The following BRCA1 variants were observed in gnomAD, a reference collection of about 807,000 sequenced individuals.
The protein encoded by BRCA1 is breast cancer type 1 susceptibility protein.
In BRCA1, 140 loss-of-function variants were observed where a neutral mutation model predicts 173.7. That is an observed-to-expected ratio of 0.81 (90% CI 0.70 to 0.93). The LOEUF (loss-of-function observed/expected upper bound fraction) is 0.93, where lower values mean the gene tolerates loss of function less well. Among genes scored for constraint, BRCA1 ranks in the 40% least tolerant of loss-of-function variants. The probability of loss-of-function intolerance (pLI) is 0.00; values close to 1 mark genes in which losing one functional copy is unlikely to be tolerated. For missense variants in BRCA1, 1,983 were observed against 2,172.5 expected (o/e 0.91, Z 1.73); for synonymous variants, 662 against 756.0 (o/e 0.88, Z 2.04).
chr17:43,100,586 ATATATATAT>A (rs2054357830), intron 6 of BRCA1, among the ~76,000 whole-genome samples: 1 of 97,776 alleles, frequency 1.0e-5, no homozygotes, highest in Non-Finnish European at 1.9e-5. Context: ...TATATATAAC[ATATATATAT>A]TATATATATA....
At chr17:43,146,036 T>C (rs2056119332) in intron 1 of BRCA1, among the ~76,000 whole-genome samples, 1 of 152,182 alleles carries the variant, frequency 6.6e-6, no homozygotes, top group Non-Finnish European at 1.5e-5. Context: ...GTTGGAGTTG[T>C]GGGCACTCTG....
chr17:43,138,396 A>AT (rs1302563900), intron 1 of BRCA1: 1 of 540,994 alleles, frequency 1.8e-6, no homozygotes. Context: ...AACTCAGGGC[A>AT]TGGTTGTGTG....
At chr17:43,063,833 A>G (rs752437850) in intron 17 of BRCA1, 41 bp downstream of exon 17, 2 of 1,527,382 alleles carry the variant, frequency 1.3e-6, no homozygotes, top group South Asian at 1.1e-5. Context: ...TGCAATTCTG[A>G]GGTGTTAAAG....
At chr17:43,157,881 A>G (rs1475526800) in intron 1 of BRCA1, among the ~76,000 whole-genome samples, 1 of 151,824 alleles carries the variant, frequency 6.6e-6, no homozygotes, top group East Asian at 1.9e-4. Flanking sequence ...CTGTAATCCC[A>G]GCTACTCCGG....
Position 43,067,595 on chromosome 17 carries a change from G to C in BRCA1, c.5074+13C>G, listed in dbSNP as rs2153693830. 2 of 1,588,664 alleles carry C rather than the reference G, an allele frequency of 1.3e-6. No homozygotes were observed. Among genetic ancestry groups the C allele is most frequent in the Middle Eastern group, 1.7e-4 (1 of 6,018 alleles). Reference sequence around the variant, plus strand: ...AGCAGATGCAAGGTATTCTGTAAAGGTTCTTGGTATACCTGTTTTCATAAC... The same window carrying C: ...AGCAGATGCAAGGTATTCTGTAAAGCTTCTTGGTATACCTGTTTTCATAAC... On this transcript the variant is annotated intron_variant, in intron 16 of 22. Transcript: ENST00000357654.
intron 6 of BRCA1, among the ~76,000 whole-genome samples, chr17:43,103,295 C>T (rs1398291093): frequency 2.6e-5 from 4 of 151,644 alleles, no homozygotes; most frequent in Non-Finnish European, 4.4e-5. Flanking sequence ...GGTGAAACCC[C>T]GACTCTACTA....
At chr17:43,072,491 C>G (rs1192673627) in intron 14 of BRCA1, among the ~76,000 whole-genome samples, 2 of 151,896 alleles carry the variant, frequency 1.3e-5, no homozygotes, top group Non-Finnish European at 2.9e-5. Context: ...CAGCCTTGAC[C>G]TCCTGGACTC....
chr17:43,107,127 C>T (rs1235386545), intron 3 of BRCA1, among the ~76,000 whole-genome samples: 2 of 147,832 alleles, frequency 1.4e-5, no homozygotes, highest in African/African-American at 2.5e-5. Flanking sequence ...TGCAGTGGCA[C>T]GATCTCGGCT....
chr17:43,104,381 G>T, intron 5 of BRCA1, 120 bp from the exon 6 acceptor site: 2 of 1,102,420 alleles, frequency 1.8e-6, no homozygotes, highest in Non-Finnish European at 2.6e-6. Flanking sequence ...ATGCATTAAG[G>T]TTACCTGTGA....
In BRCA1 at chr17:43,096,376, C is replaced by CAAAAAAAAA. The variant is rs71160005; in HGVS notation, c.594-463_594-455dup. Among the ~76,000 whole-genome samples, 239 of 74,192 alleles carry CAAAAAAAAA rather than the reference C, an allele frequency of 3.2e-3. 10 individuals are homozygous for CAAAAAAAAA. Among genetic ancestry groups the CAAAAAAAAA allele is most frequent in the Middle Eastern group, 7.4e-3 (1 of 136 alleles). The allele number at this position is 74,192 out of a possible 152,430, so 48.7% of individuals were successfully genotyped here. ...TGGGCAACAGAGCAAGACTCTGTCT[C>CAAAAAAAAA]AAAAAAAAAAAAAAAAAAGAGAGAA... On this transcript the variant is annotated intron_variant, in intron 8 of 22. Coordinates refer to ENST00000357654, the MANE Select transcript of BRCA1 (RefSeq NM_007294.4).
intron 1 of BRCA1, among the ~76,000 whole-genome samples, chr17:43,130,704 G>A (rs2055958130): frequency 1.3e-5 from 2 of 151,978 alleles, no homozygotes; most frequent in Non-Finnish European, 2.9e-5. Flanking sequence ...CTGTGAGATC[G>A]GCAAAACAGA....
In BRCA1 at chr17:43,104,101, GAA is replaced by G. The variant is rs764884677; in HGVS notation, c.441+19_441+20del. 5.0e-5 allele frequency: 80 copies of G among 1,599,602 alleles called. No individual in the cohort carries two copies. The African/African-American group carries it at 1.0e-3, about 20-fold the overall frequency. ...AAAAAGAAAAGAAGAAGAAGAAGAA[GAA>G]GAAAACAAATGGTTTTACCAAGGAA... On this transcript the variant is annotated intron_variant, in intron 6 of 22. Coordinates refer to ENST00000357654, the MANE Select transcript of BRCA1 (RefSeq NM_007294.4).
In BRCA1 at chr17:43,082,414, T is replaced by C. The variant is rs80356840; in HGVS notation, c.4347A>G (p.Thr1449=). The change falls in exon 12 of 23, where the codon ACA becomes ACG. Residue 1449 remains threonine (T), a synonymous_variant. Transcript: ENST00000357654. ...GCCAACAATACACACCTTTTTCTGA[T>C]GTGCTTTGTTCTGGATTTCGCAGGT... ...LEDLRNPEQS[T]SEKAVLTSQK... is the part of the protein sequence containing the mutation. 1.1e-4 allele frequency: 172 copies of C among 1,614,020 alleles called. 1 individual carries two copies. In the East Asian group the frequency reaches 3.7e-3, roughly 35 times the overall value.
intron 20 of BRCA1, among the ~76,000 whole-genome samples, chr17:43,049,867 T>C (rs1344274252): frequency 6.6e-6 from 1 of 152,196 alleles, no homozygotes; most frequent in Non-Finnish European, 1.5e-5. Context: ...TCAGCCCGTT[T>C]CTGGGAATTG....
rs80356887 is a variant in BRCA1, at chr17:43,092,154, G to A, written c.3377C>T (p.Pro1126Leu). The A allele has an allele frequency of 2.5e-6, 4 of 1,613,224 alleles. No homozygotes were observed. The highest frequency in any genetic ancestry group is 2.5e-6 in the Non-Finnish European group (3 of 1,179,666). Residue 1126 changes from proline (P) to leucine (L), a missense_variant, in exon 10 of 23, where the codon CCA becomes CTA. Transcript: ENST00000357654. ...VVQTVNTDFSPYLISDNLEQP... is the reference protein window; with the variant it reads ...VVQTVNTDFSLYLISDNLEQP... ...TTCTAAGTTATCTGAAATCAGATAT[G>A]GAGAGAAATCTGTATTAACAGTCTG... is the stretch of plus-strand genomic sequence containing the variant.
intron 12 of BRCA1, among the ~76,000 whole-genome samples, chr17:43,078,545 T>C (rs1240874958): frequency 1.3e-5 from 2 of 152,230 alleles, no homozygotes. Context: ...AAAAAGTCAC[T>C]GATGACTGTA....
intron 7 of BRCA1, among the ~76,000 whole-genome samples, chr17:43,099,115 GCCT>G (rs2054261274): frequency 6.6e-6 from 1 of 151,190 alleles, no homozygotes; most frequent in Non-Finnish European, 1.5e-5. Flanking sequence ...GAGCCACTGC[GCCT>G]GGCAATTCAG....
chr17:43,129,238 C>T (rs1308693763), upstream of BRCA1, among the ~76,000 whole-genome samples: 1 of 152,172 alleles, frequency 6.6e-6, no homozygotes, highest in Non-Finnish European at 1.5e-5. Flanking sequence ...TGTTTACACA[C>T]GTTCAAGATT....
chr17:43,093,854 A>T lies in BRCA1; in HGVS notation c.1677T>A (p.Gly559=), dbSNP rs2053901841. 1 of 1,613,402 alleles carries T rather than the reference A, an allele frequency of 6.2e-7. No individual in the cohort carries two copies. The highest frequency in any genetic ancestry group is 1.3e-5 in the African/African-American group (1 of 74,920). Residue 559 remains glycine (G), a synonymous_variant, in exon 10 of 23, where the codon GGT becomes GGA. Coordinates refer to ENST00000357654, the MANE Select transcript of BRCA1 (RefSeq NM_007294.4). ...GATTTTTCTCATTCTGAATAGAATC[A>T]CCTTTTGTTTTATTCTCATGACCAC... ...TNSGHENKTK[G]DSIQNEKNPN...
Sources: gnomAD v4.1 joint callset for allele counts (sites outside exome capture counted in the v4.1 genomes callset) on GRCh38, gnomAD v4.1.1 for gene constraint, MANE v1.5 for transcripts, NCBI Gene and HGNC (gene_info 2026-07-23, HGNC 2026-07-21) for gene names.